UMAD1: variants seen among roughly 807,000 people sequenced by gnomAD.
UMAD1 encodes UBAP1-MVB12-associated (UMA) domain containing 1.
UMAD1 carries 8 observed loss-of-function variants against 6.1 expected under a neutral mutation model. The ratio of observed to expected loss-of-function variants is 1.30; its 90% CI spans 0.76 to 2.35. The LOEUF (loss-of-function observed/expected upper bound fraction) is 2.35, where lower values mean the gene tolerates loss of function less well. Ranked by LOEUF, UMAD1 falls within the 30% of genes most tolerant of loss-of-function variation. The pLI, the probability that UMAD1 is intolerant of heterozygous loss-of-function variation, is 0.00. For missense variants in UMAD1, 130 were observed against 78.4 expected (o/e 1.66, Z -2.49); for synonymous variants, 56 against 31.4 (o/e 1.78, Z -2.61).
intron 2 of UMAD1, among the ~76,000 whole-genome samples, chr7:7,751,151 A>G (rs1286252119): frequency 6.6e-6 from 1 of 152,200 alleles, no homozygotes; most frequent in Non-Finnish European, 1.5e-5. Context: ...TTATACCACT[A>G]GTTACATTAC....
At chr7:7,744,845 C>A (rs1211158248) in intron 2 of UMAD1, among the ~76,000 whole-genome samples, 1 of 151,912 alleles carries the variant, frequency 6.6e-6, no homozygotes, top group African/African-American at 2.4e-5. Flanking sequence ...ATATGATTTG[C>A]AAATATTTTT....
Position 7,860,604 on chromosome 7 carries a change from C to CAAAAAAAA in UMAD1, c.157-16662_157-16655dup, listed in dbSNP as rs373823869. Among the ~76,000 whole-genome samples the CAAAAAAAA allele has an allele frequency of 8.1e-3, 761 of 93,724 alleles. 25 individuals are homozygous for CAAAAAAAA. Among genetic ancestry groups the CAAAAAAAA allele is most frequent in the South Asian group, 0.012 (32 of 2,574 alleles). The allele number at this position is 93,724 out of a possible 152,430, so 61.5% of individuals were successfully genotyped here. A position where few individuals can be genotyped will look rare whatever the true frequency, so the allele number is the denominator to read the frequency against. ...TGAAACCCTGTGTCTACTAAAAATA[C>CAAAAAAAA]AAAAAAAAAAAAAAAAAAAAAATTA... On this transcript the variant is annotated intron_variant, in intron 3 of 3. Coordinates refer to ENST00000682710, the MANE Select transcript of UMAD1 (RefSeq NM_001302348.2).
chr7:7,704,017 C>T (rs983688991), intron 2 of UMAD1, among the ~76,000 whole-genome samples: 5 of 152,048 alleles, frequency 3.3e-5, no homozygotes, highest in African/African-American at 1.2e-4. Flanking sequence ...CATAGACATA[C>T]CTTAGAGCAA....
chr7:7,749,538 T>C (rs1781638121), intron 2 of UMAD1, among the ~76,000 whole-genome samples: 1 of 152,214 alleles, frequency 6.6e-6, no homozygotes, highest in Admixed American at 6.5e-5. Flanking sequence ...CAGTACTTAA[T>C]TTTATAGTGT....
chr7:7,761,324 C>T (rs1424513394), intron 2 of UMAD1, among the ~76,000 whole-genome samples: 1 of 139,070 alleles, frequency 7.2e-6, no homozygotes, highest in African/African-American at 2.9e-5. Flanking sequence ...GTGATCGTGT[C>T]ACTGTACTCC....
chr7:7,726,074 A>G (rs1435492826), intron 2 of UMAD1, among the ~76,000 whole-genome samples: 3 of 152,256 alleles, frequency 2.0e-5, no homozygotes, highest in African/African-American at 7.2e-5. Context: ...GGCTGTAGCC[A>G]GTGGTTTGGC....
intron 2 of UMAD1, among the ~76,000 whole-genome samples, chr7:7,733,573 G>T (rs568458678): frequency 2.7e-5 from 4 of 147,246 alleles, no homozygotes; most frequent in African/African-American, 1.0e-4. Context: ...ATATATGGTA[G>T]TTATGACTTT....
chr7:7,664,931 T>G (rs1452217685), intron 1 of UMAD1, among the ~76,000 whole-genome samples: 1 of 152,196 alleles, frequency 6.6e-6, no homozygotes, highest in Non-Finnish European at 1.5e-5. Context: ...CGTTCAGGAT[T>G]TTAATTTTTC....
chr7:7,715,013 A>C (rs1780861885), intron 2 of UMAD1, among the ~76,000 whole-genome samples: 1 of 152,130 alleles, frequency 6.6e-6, no homozygotes, highest in African/African-American at 2.4e-5. Context: ...ATGAAACTAG[A>C]ACTAACCAAC....
chr7:7,673,310 T>TAGCAGCAGCAGC lies in UMAD1; in HGVS notation c.-12_-1dup. 5.5e-3 allele frequency: 5,642 copies of TAGCAGCAGCAGC among 1,033,848 alleles called. 18 individuals are homozygous for TAGCAGCAGCAGC. Among genetic ancestry groups the TAGCAGCAGCAGC allele is most frequent in the African/African-American group, 9.6e-3 (587 of 60,990 alleles). 64.0% of individuals were successfully genotyped at this position (1,033,848 alleles called of 1,614,324 possible). ...CATTGTGTAATGTTTCTATTTCAGG[T>TAGCAGCAGCAGC]AGCAGCAGCAGCAGCAGCAGCAGCA... On this transcript the variant is annotated splice_region_variant and 5_prime_UTR_variant, in exon 2 of 4. Coordinates refer to ENST00000682710, the MANE Select transcript of UMAD1 (RefSeq NM_001302348.2).
chr7:7,868,673 C>T (rs754364155), intron 3 of UMAD1: 2 of 152,090 alleles, frequency 1.3e-5, no homozygotes, highest in Non-Finnish European at 2.9e-5. Flanking sequence ...TCTAACCTAG[C>T]CTCTTAGTTT....
At chr7:7,643,073 C>A (rs1302937449) in intron 1 of UMAD1, among the ~76,000 whole-genome samples, 1 of 152,016 alleles carries the variant, frequency 6.6e-6, no homozygotes, top group African/African-American at 2.4e-5. Flanking sequence ...CCCCAACCCA[C>A]TAGAAATGTT....
chr7:7,828,620 T>C (rs576523331), intron 3 of UMAD1, among the ~76,000 whole-genome samples: 1 of 152,368 alleles, frequency 6.6e-6, no homozygotes, highest in Non-Finnish European at 1.5e-5. Context: ...AGGGGCTGCC[T>C]GTAAAGGCTT....
intron 3 of UMAD1, among the ~76,000 whole-genome samples, chr7:7,815,258 A>G (rs1345343318): frequency 2.0e-5 from 3 of 152,136 alleles, no homozygotes; most frequent in Non-Finnish European, 2.9e-5. Flanking sequence ...CAGGGTTACT[A>G]TAAGAATTTG....
In UMAD1 at chr7:7,677,670, T is replaced by G. The variant is rs201470216; in HGVS notation, c.82+4217T>G. Among the ~76,000 whole-genome samples, 573 of 128,498 alleles carry G rather than the reference T, an allele frequency of 4.5e-3. 2 individuals are homozygous for G. Among genetic ancestry groups the G allele is most frequent in the South Asian group, 0.023 (79 of 3,494 alleles). 84.3% of individuals were successfully genotyped at this position (128,498 alleles called of 152,430 possible). ...TCTATTCATCTGTTTTTTTGTTTTT[T>G]TTTTTTTTTTTTTTTTTTTTTGAGA... On this transcript the variant is annotated intron_variant, in intron 2 of 3. Coordinates refer to ENST00000682710, the MANE Select transcript of UMAD1 (RefSeq NM_001302348.2).
At chr7:7,763,643 G>A (rs1475820182) in intron 2 of UMAD1, among the ~76,000 whole-genome samples, 3 of 152,232 alleles carry the variant, frequency 2.0e-5, no homozygotes, top group African/African-American at 4.8e-5. Flanking sequence ...TTGGGAGGCT[G>A]AGGCTGGCAG....
chr7:7,720,095 C>T (rs1028301551), intron 2 of UMAD1, among the ~76,000 whole-genome samples: 2 of 152,078 alleles, frequency 1.3e-5, no homozygotes, highest in African/African-American at 4.8e-5. Flanking sequence ...AAAAGTGCTA[C>T]AGAACCTAAA....
chr7:7,735,413 C>CG (rs1781335048), intron 2 of UMAD1, among the ~76,000 whole-genome samples: 1 of 145,812 alleles, frequency 6.9e-6, no homozygotes, highest in Non-Finnish European at 1.5e-5. Flanking sequence ...ACATCCTCAC[C>CG]TTTTTTTTTT....
At chr7:7,766,912 C>G (rs1781994619) in intron 2 of UMAD1, among the ~76,000 whole-genome samples, 1 of 152,110 alleles carries the variant, frequency 6.6e-6, no homozygotes, top group Non-Finnish European at 1.5e-5. Context: ...TTTATGGAAA[C>G]TTACTGTCTG....
Sources: allele counts gnomAD v4.1 joint callset (sites outside exome capture counted in the v4.1 genomes callset), GRCh38; gene constraint gnomAD v4.1.1; transcripts MANE v1.5; gene names NCBI Gene and HGNC (gene_info 2026-07-23, HGNC 2026-07-21).